Variants in PCDHGA2 observed in about 807,000 individuals in gnomAD.
PCDHGA2 encodes protocadherin gamma subfamily A, 2.
PCDHGA2 carries 40 observed loss-of-function variants against 59.2 expected under a neutral mutation model. The ratio of observed to expected loss-of-function variants is 0.68; its 90% confidence interval spans 0.52 to 0.88. The LOEUF is 0.88. Ranked by LOEUF, PCDHGA2 falls within the 40% of genes least tolerant of loss-of-function variation. PCDHGA2 has a pLI of 0.00. For missense variants in PCDHGA2, 1,226 were observed against 1,204.0 expected (o/e 1.02, Z -0.27); for synonymous variants, 560 against 526.0 (o/e 1.06, Z -0.89).
At position 141,491,765 on chromosome 5, in the gene PCDHGA2, A is replaced by C; in HGVS notation, c.2425-3042A>C. 1 of 1,569,230 alleles carries C rather than the reference A, an allele frequency of 6.4e-7. No homozygotes were observed. On this transcript the variant is annotated intron_variant, in intron 1 of 3. Coordinates refer to ENST00000394576, the MANE Select transcript of PCDHGA2 (RefSeq NM_018915.4). This position sits in a 1 kb window ranked among gnomAD's most constrained non-coding sequence, Gnocchi z 6.9. The stretch of plus-strand genomic sequence containing the variant: ...GGCACTGGAGAAGCCGCCCGTCCTC[A>C]TAAGGGATTGAACTTGCATCCACTC...
intron 1 of PCDHGA2, among the ~76,000 whole-genome samples, chr5:141,456,359 G>A (rs2098853225): frequency 6.6e-6 from 1 of 152,158 alleles, no homozygotes; most frequent in Non-Finnish European, 1.5e-5. Context: ...TGGCGTCCAT[G>A]TGTGGTTCAG....
intron 1 of PCDHGA2, among the ~76,000 whole-genome samples, chr5:141,439,631 A>C (rs1459977985): frequency 2.0e-5 from 3 of 152,214 alleles, no homozygotes; most frequent in Non-Finnish European, 2.9e-5. Context: ...ATCCCCAGAC[A>C]TTCCGGCTTG....
Position 141,485,373 on chromosome 5 carries a change from C to T in PCDHGA2, c.2425-9434C>T. 2 of 1,614,136 alleles carry T rather than the reference C, an allele frequency of 1.2e-6. No homozygotes were observed. Among genetic ancestry groups the T allele is most frequent in the East Asian group, 2.2e-5 (1 of 44,868 alleles). On this transcript the variant is annotated intron_variant, in intron 1 of 3. Transcript: ENST00000394576. This position sits in a 1 kb window ranked among gnomAD's most constrained non-coding sequence, Gnocchi z 5.7. ...CTGTCAGCTCGCAGGCTGCAGGTCG[C>T]TGGAGAGGTGAACCAAAGACACTTC... is the stretch of plus-strand genomic sequence containing the variant.
chr5:141,427,928 G>A (rs1178662640), intron 1 of PCDHGA2: 2 of 1,583,504 alleles, frequency 1.3e-6, no homozygotes. Flanking sequence ...GCCGGCGCAT[G>A]TTGGTGGGCG....
At chr5:141,415,293 C>T in intron 1 of PCDHGA2, 1 of 1,614,192 alleles carries the variant, frequency 6.2e-7, no homozygotes, top group Non-Finnish European at 8.5e-7. Flanking sequence ...CGGTCTCCTG[C>T]GTCTTCCTGG....
chr5:141,347,172 T>TTTCTTTCTTTCTTTCC (rs1757920988), intron 1 of PCDHGA2, among the ~76,000 whole-genome samples: 1 of 149,064 alleles, frequency 6.7e-6, no homozygotes, highest in Non-Finnish European at 1.5e-5. Context: ...TCTTTCTTTC[T>TTTCTTTCTTTCTTTCC]TTCTTTCTTG....
chr5:141,371,202 G>A, intron 1 of PCDHGA2: 2 of 1,614,036 alleles, frequency 1.2e-6, no homozygotes, highest in Non-Finnish European at 1.7e-6. Flanking sequence ...CATTGACATG[G>A]ATGAGGGCAT....
At chr5:141,481,193 A>AT (rs1437708630) in intron 1 of PCDHGA2, among the ~76,000 whole-genome samples, 4 of 152,216 alleles carry the variant, frequency 2.6e-5, no homozygotes, top group African/African-American at 7.2e-5. Context: ...GCCAGGCCCA[A>AT]TTTTTTTAAA....
intron 1 of PCDHGA2, among the ~76,000 whole-genome samples, chr5:141,464,748 T>A (rs995568259): frequency 2.0e-5 from 3 of 152,190 alleles, no homozygotes; most frequent in Admixed American, 2.0e-4. Flanking sequence ...TATCTTTTTG[T>A]TTTTTTAGAG....
intron 1 of PCDHGA2, among the ~76,000 whole-genome samples, chr5:141,347,853 T>A (rs6863116): frequency 0.14 from 21,466 of 151,966 alleles, 2,079 homozygotes; most frequent in African/African-American, 0.28. Flanking sequence ...ATATGCCTAA[T>A]GTATATGCTT....
chr5:141,389,177 C>T, intron 1 of PCDHGA2: 1 of 1,614,052 alleles, frequency 6.2e-7, no homozygotes. Context: ...CTCCCCTCTC[C>T]TCCAGTTCCA....
At chr5:141,395,543 TGTGTGTG>T in intron 1 of PCDHGA2, 1 of 8,204 alleles carries the variant, frequency 1.2e-4, no homozygotes, top group Non-Finnish European at 2.0e-4. Context: ...TGCTATTGTT[TGTGTGTG>T]TGTGTGTGTG....
chr5:141,400,221 C>G (rs377228541), intron 1 of PCDHGA2: 1 of 1,614,060 alleles, frequency 6.2e-7, no homozygotes, highest in Non-Finnish European at 8.5e-7. Flanking sequence ...TCTCAGTGCT[C>G]TTCCTCCTGG....
intron 1 of PCDHGA2, among the ~76,000 whole-genome samples, chr5:141,475,567 A>G (rs1260546062): frequency 6.6e-6 from 1 of 152,244 alleles, no homozygotes; most frequent in African/African-American, 2.4e-5. Flanking sequence ...CTGTCTTCCA[A>G]CAAGCCAGAT....
At position 141,491,942 on chromosome 5, in the gene PCDHGA2, C is replaced by T. The variant is rs932715298; in HGVS notation, c.2425-2865C>T. 6.4e-5 allele frequency: 72 copies of T among 1,122,376 alleles called. No individual in the cohort carries two copies. Among genetic ancestry groups the T allele is most frequent in the Admixed American group, 3.5e-5 (1 of 28,738 alleles). 69.5% of individuals were successfully genotyped at this position (1,122,376 alleles called of 1,614,324 possible). A position where few individuals can be genotyped will look rare whatever the true frequency, so the allele number is the denominator to read the frequency against. ...GGCGAGGGGAGGTGGGACCGACCCC[C>T]ACCCCTACACTCAAAAAAGGCCGGG... is the stretch of plus-strand genomic sequence containing the variant. On this transcript the variant is annotated intron_variant, in intron 1 of 3. Transcript: ENST00000394576. The surrounding 1 kb of genome is among the most constrained non-coding windows in gnomAD (Gnocchi z 6.9).
At chr5:141,420,417 A>C (rs112493756) in intron 1 of PCDHGA2, 20 of 1,211,742 alleles carry the variant, frequency 1.7e-5, no homozygotes, top group Admixed American at 1.1e-4. Flanking sequence ...ATCATTATTA[A>C]AACAAAAGTT....
At chr5:141,351,524 G>C (rs935078369) in intron 1 of PCDHGA2, 1 of 1,613,998 alleles carries the variant, frequency 6.2e-7, no homozygotes, top group African/African-American at 1.3e-5. Flanking sequence ...CATAGCCACC[G>C]ACAAGGGCAA....
chr5:141,432,366 A>T lies in PCDHGA2; in HGVS notation c.2425-62441A>T. The T allele has an allele frequency of 6.2e-7, 1 of 1,614,204 alleles. No homozygotes were observed. Among genetic ancestry groups the T allele is most frequent in the Non-Finnish European group, 8.5e-7 (1 of 1,180,034 alleles). On this transcript the variant is annotated intron_variant, in intron 1 of 3. Coordinates refer to ENST00000394576, the MANE Select transcript of PCDHGA2 (RefSeq NM_018915.4). This position sits in a 1 kb window ranked among gnomAD's most constrained non-coding sequence, Gnocchi z 6.0. Reference sequence around the variant, plus strand: ...TTGCAAGTGAAAGTGATGGCGCGGGACAACGGGCACCCGCCCCTCAGCAGC... The same window carrying T: ...TTGCAAGTGAAAGTGATGGCGCGGGTCAACGGGCACCCGCCCCTCAGCAGC...
At chr5:141,345,501 G>A in intron 1 of PCDHGA2, 1 of 1,614,128 alleles carries the variant, frequency 6.2e-7, no homozygotes, top group Non-Finnish European at 8.5e-7. Flanking sequence ...CATCACTTAT[G>A]CATTGACCGA....
Sources: allele counts gnomAD v4.1 joint callset (sites outside exome capture counted in the v4.1 genomes callset), GRCh38; gene constraint gnomAD v4.1.1; non-coding constraint Gnocchi (gnomAD v3.1); transcripts MANE v1.5; gene names NCBI Gene and HGNC (gene_info 2026-07-23, HGNC 2026-07-21).